The following DNAH8 variants were observed in gnomAD, a reference collection of about 807,000 sequenced individuals.
DNAH8 encodes the protein axonemal beta dynein heavy chain 8.
Under a neutral mutation model 562.1 loss-of-function variants are expected in DNAH8, and 382 were observed. The observed-to-expected ratio is 0.68, with a 90% CI of 0.63 to 0.74. DNAH8 has a LOEUF of 0.74. Among genes scored for constraint, DNAH8 ranks in the 30% least tolerant of loss-of-function variants. The pLI, the probability that DNAH8 is intolerant of heterozygous loss-of-function variation, is 0.00. For missense variants in DNAH8, 5,203 were observed against 5,620.4 expected (o/e 0.93, Z 2.37); for synonymous variants, 1,881 against 1,919.4 (o/e 0.98, Z 0.52).
In DNAH8 at chr6:38,852,762, C is replaced by T. The variant is rs1243711093; in HGVS notation, c.5535C>T (p.Ile1845=). The T allele has an allele frequency of 2.5e-6, 4 of 1,613,432 alleles. No individual in the cohort carries two copies. The East Asian group carries it at 8.9e-5, about 36-fold the overall frequency. The part of the protein sequence containing the change: ...VTFHAKDYDR[I]MAVISREGEK... The stretch of plus-strand genomic sequence containing the variant: ...TTCATGCAAAAGACTATGATCGCAT[C>T]ATGGCCGTCATATCAAGAGAAGGAG... Residue 1845 remains isoleucine (I), a synonymous_variant, in exon 40 of 93, where the codon ATC becomes ATT. Transcript: ENST00000327475.
At chr6:38,878,928 C>T (rs540056819) in intron 53 of DNAH8, among the ~76,000 whole-genome samples, 14 of 152,178 alleles carry the variant, frequency 9.2e-5, no homozygotes, top group East Asian at 5.8e-4. Context: ...CCACATGATA[C>T]GTTAATTCGC....
At chr6:39,014,034 C>T (rs1181508636) in intron 91 of DNAH8, among the ~76,000 whole-genome samples, 1 of 152,036 alleles carries the variant, frequency 6.6e-6, no homozygotes, top group Non-Finnish European at 1.5e-5. Flanking sequence ...GTAAAGCATA[C>T]TTTGATCAAT....
chr6:38,887,223 A>G (rs529060299), intron 57 of DNAH8, among the ~76,000 whole-genome samples: 1 of 152,298 alleles, frequency 6.6e-6, no homozygotes, highest in Non-Finnish European at 1.5e-5. Context: ...TTGAAAGTTA[A>G]CATTAGACGT....
intron 80 of DNAH8, 32 bp from the exon 81 acceptor site, chr6:38,949,420 C>T: frequency 2.3e-6 from 3 of 1,297,170 alleles, no homozygotes; most frequent in Non-Finnish European, 3.4e-6. Context: ...ACATATAGTT[C>T]TGTGGCTTGC....
intron 85 of DNAH8, among the ~76,000 whole-genome samples, chr6:38,975,983 G>A (rs1171396798): frequency 6.6e-6 from 1 of 152,212 alleles, no homozygotes; most frequent in Non-Finnish European, 1.5e-5. Flanking sequence ...CAGGACCATG[G>A]TCCAGCCATG....
chr6:38,722,293 A>G (rs1036300339), intron 1 of DNAH8, among the ~76,000 whole-genome samples: 2 of 152,198 alleles, frequency 1.3e-5, no homozygotes, highest in African/African-American at 4.8e-5. Context: ...CTGATTAATG[A>G]ACTGTATTGC....
At chr6:38,983,526 G>A (rs1352721111) in intron 86 of DNAH8, among the ~76,000 whole-genome samples, 6 of 152,120 alleles carry the variant, frequency 3.9e-5, no homozygotes, top group Non-Finnish European at 8.8e-5. Flanking sequence ...TAAAATAGTT[G>A]CTTTGAAAGG....
At position 38,805,565 on chromosome 6, in the gene DNAH8, A is replaced by G; in HGVS notation, c.3119A>G (p.Asp1040Gly). 6.3e-7 allele frequency: 1 copy of G among 1,585,968 alleles called. No homozygotes were observed. The highest frequency in any genetic ancestry group is 8.7e-7 in the Non-Finnish European group (1 of 1,154,978). ...DYEANIVNEF[D>G]THDKEDEFKK... ...GAAGCTAATATTGTGAATGAGTTTGATACTCATGATAAAGAAGATGAATTT... is the reference window on the plus strand; with the variant it reads ...GAAGCTAATATTGTGAATGAGTTTGGTACTCATGATAAAGAAGATGAATTT... Residue 1040 changes from aspartate to glycine, a missense_variant, in exon 23 of 93, where the codon GAT becomes GGT. By Grantham distance (94) the Asp-to-Gly change is moderately conservative. This residue lies in a region of DNAH8 where 2,176 missense variants were observed against 2,365.1 expected (regional missense o/e 0.92). Transcript: ENST00000327475.
At chr6:38,728,865 T>G (rs191652008) in intron 3 of DNAH8, among the ~76,000 whole-genome samples, 18 of 152,118 alleles carry the variant, frequency 1.2e-4, no homozygotes, top group African/African-American at 4.3e-4. Context: ...CTAGGAGGAG[T>G]GGCTTTGCTA....
intron 18 of DNAH8, among the ~76,000 whole-genome samples, chr6:38,789,423 C>T (rs1013730291): frequency 1.3e-5 from 2 of 152,002 alleles, no homozygotes; most frequent in Non-Finnish European, 2.9e-5. Flanking sequence ...TATTTTGACT[C>T]GAGAAAGCAA....
chr6:38,886,948 A>C lies in DNAH8; in HGVS notation c.8417A>C (p.Gln2806Pro). ...RNDIPQRLKR[Q>P]FTVFNCTLPS... ...GATATTCCACAACGTTTAAAAAGAC[A>C]ATTTACTGTGTTTAATTGTACATTG... Residue 2806 changes from glutamine to proline, a missense_variant, in exon 57 of 93, where the codon CAA (glutamine) becomes CCA (proline). Transcript: ENST00000327475. 2 of 1,614,060 alleles carry C rather than the reference A, an allele frequency of 1.2e-6. No homozygotes were observed. Among genetic ancestry groups the C allele is most frequent in the Non-Finnish European group, 1.7e-6 (2 of 1,179,954 alleles).
intron 74 of DNAH8, among the ~76,000 whole-genome samples, 183 bp downstream of exon 74, chr6:38,926,393 C>T (rs1442221095): frequency 6.6e-6 from 1 of 150,788 alleles, no homozygotes; most frequent in Non-Finnish European, 1.5e-5. Context: ...TTTGTACTCT[C>T]TTTGGATCCT....
At chr6:38,826,453 C>T in intron 29 of DNAH8, 62 bp downstream of exon 29, 1 of 1,021,742 alleles carries the variant, frequency 9.8e-7, no homozygotes, top group Non-Finnish European at 1.5e-6. Flanking sequence ...GAAATAGAGA[C>T]ACACTAAGAA....
chr6:38,900,006 T>C, intron 62 of DNAH8, 100 bp downstream of exon 62: 2 of 1,106,640 alleles, frequency 1.8e-6, no homozygotes, highest in Non-Finnish European at 1.2e-6. Context: ...GTATTTCTTT[T>C]TAAGGTAAAC....
chr6:38,895,535 ATTAAAG>A (rs1234722463), intron 59 of DNAH8, among the ~76,000 whole-genome samples: 2 of 152,186 alleles, frequency 1.3e-5, no homozygotes, highest in Non-Finnish European at 2.9e-5. Context: ...AAACAATCCC[ATTAAAG>A]TTAAATTCAG....
At chr6:39,028,979 G>A (rs922022059) in intron 92 of DNAH8, among the ~76,000 whole-genome samples, 5 of 152,148 alleles carry the variant, frequency 3.3e-5, no homozygotes, top group African/African-American at 1.2e-4. Flanking sequence ...TCCCTGATCC[G>A]ATCCTCACTG....
chr6:38,855,861 C>T (rs181998013), intron 41 of DNAH8, among the ~76,000 whole-genome samples: 10 of 152,222 alleles, frequency 6.6e-5, no homozygotes, highest in African/African-American at 1.9e-4. Context: ...GTCAGATCAA[C>T]GGCGGCATGA....
At chr6:38,928,239 C>T (rs1398589710) in intron 74 of DNAH8, 1 of 152,108 alleles carries the variant, frequency 6.6e-6, no homozygotes, top group East Asian at 1.9e-4. Flanking sequence ...GTGAAATAAA[C>T]CTGAAATTGG....
At chr6:38,879,310 A>AAC (rs35848095) in intron 53 of DNAH8, among the ~76,000 whole-genome samples, 65,736 of 151,774 alleles carry the variant, frequency 0.43, 15,150 homozygotes, top group East Asian at 0.84. Flanking sequence ...CAAAAACAAA[A>AAC]AAAACTATAG....
Sources: allele counts gnomAD v4.1 joint callset (sites outside exome capture counted in the v4.1 genomes callset), GRCh38; gene constraint gnomAD v4.1.1; regional missense constraint gnomAD v4.1.1; transcripts MANE v1.5; gene names NCBI Gene and HGNC (gene_info 2026-07-23, HGNC 2026-07-21).